The following B4GALT7 variants were observed in gnomAD, a reference collection of about 807,000 sequenced individuals.
B4GALT7 encodes UDP-Gal:beta-GlcNAc beta-1,4-galactosyltransferase 7.
A neutral mutation model predicts 33.0 loss-of-function variants in B4GALT7; 30 were observed. The observed-to-expected ratio is 0.91, with a 90% CI of 0.68 to 1.23. B4GALT7 has a LOEUF of 1.23. Ranked by LOEUF, B4GALT7 falls within the 50% of genes most tolerant of loss-of-function variation. The pLI is 0.00. For missense variants in B4GALT7, 507 were observed against 450.8 expected, an observed-to-expected ratio of 1.12 and a Z score of -1.13; for synonymous variants, 213 against 187.2, an observed-to-expected ratio of 1.14 and a Z score of -1.13.
Position 177,609,788 on chromosome 5 carries a change from G to A in B4GALT7, c.*93G>A. On this transcript the variant is annotated 3_prime_UTR_variant, in exon 6 of 6. Transcript: ENST00000029410. Reference sequence around the variant, plus strand: ...GTCGTGGGCCCAGCTCTGACAGGATGTGGAGTGGCCAGGACCAAGACAGCA... The same window carrying A: ...GTCGTGGGCCCAGCTCTGACAGGATATGGAGTGGCCAGGACCAAGACAGCA... The A allele has an allele frequency of 6.0e-6, 9 of 1,504,254 alleles. No individual in the cohort carries two copies. The highest frequency in any genetic ancestry group is 8.1e-6 in the Non-Finnish European group (9 of 1,109,202). The allele number at this position is 1,504,254 out of a possible 1,614,324, so 93.2% of individuals were successfully genotyped here. A position where few individuals can be genotyped will look rare whatever the true frequency, so the allele number is the denominator to read the frequency against.
chr5:177,601,948 C>T (rs547505802), intron 1 of B4GALT7, among the ~76,000 whole-genome samples: 5 of 152,186 alleles, frequency 3.3e-5, no homozygotes, highest in African/African-American at 1.2e-4. Flanking sequence ...GGAGCAGGGC[C>T]GAGGGAATTA....
intron 5 of B4GALT7, 126 bp from the exon 6 acceptor site, chr5:177,609,414 T>C (rs1768111312): frequency 1.6e-6 from 2 of 1,268,428 alleles, no homozygotes; most frequent in Non-Finnish European, 2.3e-6. Context: ...TTCACTGCTT[T>C]GAGCTCTGGG....
chr5:177,605,392 T>A (rs1204323612), intron 2 of B4GALT7, among the ~76,000 whole-genome samples: 1 of 152,268 alleles, frequency 6.6e-6, no homozygotes, highest in Non-Finnish European at 1.5e-5. Context: ...GAAGGCCCTC[T>A]GCCCTGCTGG....
Position 177,605,492 on chromosome 5 carries a change from C to T in B4GALT7, c.413+951C>T, listed in dbSNP as rs149901556. Among the ~76,000 whole-genome samples the T allele has an allele frequency of 2.7e-3, 415 of 152,346 alleles. 1 individual carries two copies. Among genetic ancestry groups the T allele is most frequent in the African/African-American group, 9.1e-3 (380 of 41,570 alleles). ...CCTCGTCCTCACTCATAGCTGACGA[C>T]TTTGCTTCCAATTTCAGAAAACAGA... On this transcript the variant is annotated intron_variant, in intron 2 of 5. Coordinates refer to ENST00000029410, the MANE Select transcript of B4GALT7 (RefSeq NM_007255.3).
chr5:177,601,675 A>C (rs28404158), intron 1 of B4GALT7, among the ~76,000 whole-genome samples: 2,164 of 152,276 alleles, frequency 0.014, 17 homozygotes, highest in Middle Eastern at 0.024. Flanking sequence ...CCTGGGTTTG[A>C]ATCCGCCTTT....
intron 3 of B4GALT7, 137 bp downstream of exon 3, chr5:177,607,664 C>A: frequency 1.2e-6 from 1 of 853,668 alleles, no homozygotes; most frequent in Non-Finnish European, 1.8e-6. Context: ...TTGGGAGCAG[C>A]CAGAGTGCGA....
In B4GALT7 at chr5:177,606,922, G is replaced by A; in HGVS notation, c.414-380G>A. On this transcript the variant is annotated intron_variant, in intron 2 of 5. Coordinates refer to ENST00000029410, the MANE Select transcript of B4GALT7 (RefSeq NM_007255.3). The surrounding 1 kb of genome is among the most constrained non-coding windows in gnomAD (Gnocchi z 4.2). ...TCACTCAGTTCCCCTGGCCCTCCCTGACGGCCCCACCGAGGACAAGAGCCA... is the reference window on the plus strand; with the variant it reads ...TCACTCAGTTCCCCTGGCCCTCCCTAACGGCCCCACCGAGGACAAGAGCCA... The A allele has an allele frequency of 5.5e-6, 2 of 365,628 alleles. No individual in the cohort carries two copies. The highest frequency in any genetic ancestry group is 4.4e-5 in the South Asian group (2 of 45,728). 22.6% of individuals were successfully genotyped at this position (365,628 alleles called of 1,614,324 possible).
Position 177,607,425 on chromosome 5 carries a change from G to T in B4GALT7, c.537G>T (p.Glu179Asp). 1.9e-6 allele frequency: 3 copies of T among 1,614,068 alleles called. No individual in the cohort carries two copies. The highest frequency in any genetic ancestry group is 2.5e-6 in the Non-Finnish European group (3 of 1,180,038). Residue 179 changes from glutamate to aspartate, a missense_variant, in exon 3 of 6, where the codon GAG becomes GAT. Physicochemically the swap from Glu to Asp is conservative, Grantham distance 45. Transcript: ENST00000029410. ...AGGAGCTGGACTATGGCTTTCCTGA[G>T]GCTGGGCCCTTCCACGTGGCCTCCC... ...LNEELDYGFP[E>D]AGPFHVASPE... is the part of the protein sequence containing the mutation.
In B4GALT7 at chr5:177,608,453, G is replaced by A; in HGVS notation, c.640-86G>A. 1.6e-6 allele frequency: 2 copies of A among 1,243,624 alleles called. No individual in the cohort carries two copies. Among genetic ancestry groups the A allele is most frequent in the South Asian group, 2.4e-5 (2 of 83,206 alleles). The allele number at this position is 1,243,624 out of a possible 1,614,324, so 77.0% of individuals were successfully genotyped here. A position where few individuals can be genotyped will look rare whatever the true frequency, so the allele number is the denominator to read the frequency against. ...CGGGGCTTATTCAGAGGCGCTGGGG[G>A]AGAGGGGCACTCCCGAGCGGTAGGA... On this transcript the variant is annotated intron_variant, in intron 3 of 5. Coordinates refer to ENST00000029410, the MANE Select transcript of B4GALT7 (RefSeq NM_007255.3). This position sits in a 1 kb window ranked among gnomAD's most constrained non-coding sequence, Gnocchi z 4.1.
At chr5:177,607,126 C>T (rs1406269858) in intron 2 of B4GALT7, 176 bp from the exon 3 acceptor site, 2 of 673,920 alleles carry the variant, frequency 3.0e-6, no homozygotes, top group South Asian at 3.2e-5. Flanking sequence ...TGGTTTCTGG[C>T]ACATAGTGGG....
intron 1 of B4GALT7, among the ~76,000 whole-genome samples, chr5:177,602,428 G>C (rs1561813269): frequency 6.6e-6 from 1 of 152,182 alleles, no homozygotes; most frequent in Non-Finnish European, 1.5e-5. Context: ...TGGGGCCACA[G>C]ATAAGAATCT....
intron 1 of B4GALT7, among the ~76,000 whole-genome samples, chr5:177,602,597 A>G (rs1242866092): frequency 1.3e-5 from 2 of 152,078 alleles, no homozygotes; most frequent in African/African-American, 2.4e-5. Context: ...GCAGATAAAG[A>G]AGGACATTTC....
rs76881628 is a variant in B4GALT7, at chr5:177,602,579, G to A, written c.51-1600G>A. Among the ~76,000 whole-genome samples the A allele has an allele frequency of 3.4e-3, 514 of 152,216 alleles. 6 individuals carry two copies. Among genetic ancestry groups the A allele is most frequent in the African/African-American group, 0.011 (468 of 41,512 alleles). On this transcript the variant is annotated intron_variant, in intron 1 of 5. Transcript: ENST00000029410. ...GTTCGGCTCTGAAGGATCAACAGGG[G>A]TCCTCAGGCAGATAAAGAAGGACAT...
At position 177,609,770 on chromosome 5, in the gene B4GALT7, G is replaced by T; in HGVS notation, c.*75G>T. 3.9e-6 allele frequency: 6 copies of T among 1,535,008 alleles called. No homozygotes were observed. The highest frequency in any genetic ancestry group is 5.3e-6 in the Non-Finnish European group (6 of 1,134,808). On this transcript the variant is annotated 3_prime_UTR_variant, in exon 6 of 6. Transcript: ENST00000029410. ...CTCAGGACAAGGCCTCAGGTCGTGGGCCCAGCTCTGACAGGATGTGGAGTG... is the reference window on the plus strand; with the variant it reads ...CTCAGGACAAGGCCTCAGGTCGTGGTCCCAGCTCTGACAGGATGTGGAGTG...
In B4GALT7 at chr5:177,604,497, G is replaced by A; in HGVS notation, c.369G>A (p.Lys123=). The change falls in exon 2 of 6, where the codon AAG becomes AAA. Residue 123 remains lysine (K), a synonymous_variant. Coordinates refer to ENST00000029410, the MANE Select transcript of B4GALT7 (RefSeq NM_007255.3). The part of the protein sequence containing the change: ...PHMRRFLSRK[K]IRHHIYVLNQ... ...TGCGCCGCTTCCTGAGCAGGAAGAA[G>A]ATCCGGCACCACATCTACGTGCTCA... 6.2e-7 allele frequency: 1 copy of A among 1,613,988 alleles called. No individual in the cohort carries two copies.
chr5:177,602,109 G>A (rs920321234), intron 1 of B4GALT7, among the ~76,000 whole-genome samples: 1 of 152,194 alleles, frequency 6.6e-6, no homozygotes, highest in Non-Finnish European at 1.5e-5. Context: ...GGGAGAATCT[G>A]TAGAGGTTCC....
rs773945153 is a variant in B4GALT7 at position 177,600,803 on chromosome 5, A to T, written c.50+543A>T. 1.3e-5 allele frequency among the ~76,000 whole-genome samples: 2 copies of T among 152,036 alleles called. No individual in the cohort carries two copies. Among genetic ancestry groups the T allele is most frequent in the African/African-American group, 4.8e-5 (2 of 41,400 alleles). On this transcript the variant is annotated intron_variant, in intron 1 of 5. Transcript: ENST00000029410. The surrounding 1 kb of genome is among the most constrained non-coding windows in gnomAD (Gnocchi z 4.4). ...TTCCCCCCATCCTTCGCAGGCCACC[A>T]GCAGAACCCACCAGACAGAAGCTCC...
At chr5:177,603,566 C>T (rs1767896721) in intron 1 of B4GALT7, among the ~76,000 whole-genome samples, 1 of 152,196 alleles carries the variant, frequency 6.6e-6, no homozygotes, top group Non-Finnish European at 1.5e-5. Context: ...GTTCAGTGAA[C>T]CGCCACTGAC....
rs1029541180 is a variant in B4GALT7, at chr5:177,600,288, C to T, written c.50+28C>T. 3.1e-6 allele frequency: 4 copies of T among 1,300,640 alleles called. No individual in the cohort carries two copies. Among genetic ancestry groups the T allele is most frequent in the Non-Finnish European group, 2.9e-6 (3 of 1,021,504 alleles). The allele number at this position is 1,300,640 out of a possible 1,614,324, so 80.6% of individuals were successfully genotyped here. A position where few individuals can be genotyped will look rare whatever the true frequency, so the allele number is the denominator to read the frequency against. ...GAGCGGCGGCGGTGGGCCCGGGCCC[C>T]GTCCTCCCGGGCGCCGCTCCCTTCT... On this transcript the variant is annotated intron_variant, in intron 1 of 5. Transcript: ENST00000029410. This position sits in a 1 kb window ranked among gnomAD's most constrained non-coding sequence, Gnocchi z 4.4.
Sources: allele counts gnomAD v4.1 joint callset (sites outside exome capture counted in the v4.1 genomes callset), GRCh38; gene constraint gnomAD v4.1.1; non-coding constraint Gnocchi (gnomAD v3.1); transcripts MANE v1.5; gene names NCBI Gene and HGNC (gene_info 2026-07-23, HGNC 2026-07-21).